The following TLL1 variants were observed in gnomAD, a reference collection of about 807,000 sequenced individuals.
The protein encoded by TLL1 is tolloid-like protein 1.
Under a neutral mutation model 128.2 loss-of-function variants are expected in TLL1, and 49 were observed. The ratio of observed to expected loss-of-function variants is 0.38; its 90% confidence interval spans 0.30 to 0.48. The LOEUF (loss-of-function observed/expected upper bound fraction) is 0.48. Among genes scored for constraint, TLL1 ranks in the 20% least tolerant of loss-of-function variants. The probability of loss-of-function intolerance (pLI) is 0.96; values close to 1 mark genes in which losing one functional copy is unlikely to be tolerated. For synonymous variants in TLL1, 454 were observed against 418.8 expected (o/e 1.08, Z -1.03); for missense variants, 1,123 against 1,242.0 (o/e 0.90, Z 1.44).
intron 1 of TLL1, among the ~76,000 whole-genome samples, chr4:165,933,050 T>G (rs1172087471): frequency 2.6e-5 from 4 of 152,214 alleles, no homozygotes; most frequent in African/African-American, 9.7e-5. Flanking sequence ...ACATCACAAT[T>G]TTATACTGTA....
intron 9 of TLL1, among the ~76,000 whole-genome samples, chr4:166,026,687 C>CAA (rs952505055): frequency 3.9e-4 from 53 of 136,288 alleles, no homozygotes; most frequent in African/African-American, 1.4e-3. Flanking sequence ...AACTCTGTCT[C>CAA]AAAAAAAAAA....
At chr4:166,020,104 A>G (rs1235065637) in intron 8 of TLL1, among the ~76,000 whole-genome samples, 1 of 152,130 alleles carries the variant, frequency 6.6e-6, no homozygotes. Context: ...CTGGCAGTCT[A>G]CTGCTATAAG....
intron 9 of TLL1, among the ~76,000 whole-genome samples, chr4:166,037,005 C>A (rs865859133): frequency 6.6e-6 from 1 of 152,058 alleles, no homozygotes; most frequent in African/African-American, 2.4e-5. Context: ...AAGAGGGAAG[C>A]CAGAACGTGA....
intron 1 of TLL1, among the ~76,000 whole-genome samples, chr4:165,974,981 G>T (rs1579569062): frequency 6.6e-6 from 1 of 152,188 alleles, no homozygotes; most frequent in South Asian, 2.1e-4. Context: ...GGTGTGAGAA[G>T]AGGAATTTAT....
intron 10 of TLL1, 80 bp from the exon 11 acceptor site, chr4:166,041,947 T>C: frequency 1.0e-6 from 1 of 958,374 alleles, no homozygotes; most frequent in Non-Finnish European, 1.7e-6. Context: ...TGTTTACATA[T>C]TATTTGTGAC....
chr4:166,077,740 G>A (rs886836220), intron 17 of TLL1, among the ~76,000 whole-genome samples, 163 bp from the exon 18 acceptor site: 1 of 152,094 alleles, frequency 6.6e-6, no homozygotes. Flanking sequence ...ACTCAGCAAC[G>A]TATTTTCCAG....
At chr4:166,069,522 A>C (rs1198313988) in intron 16 of TLL1, among the ~76,000 whole-genome samples, 1 of 151,732 alleles carries the variant, frequency 6.6e-6, no homozygotes, top group Non-Finnish European at 1.5e-5. Context: ...GTGATACATC[A>C]GGAAAAAGAC....
intron 1 of TLL1, among the ~76,000 whole-genome samples, chr4:165,987,427 C>T (rs989246291): frequency 3.9e-5 from 6 of 152,034 alleles, no homozygotes; most frequent in Admixed American, 6.6e-5. Context: ...TGCGTCTGTA[C>T]GAAGCTGATT....
chr4:166,091,036 T>A, intron 18 of TLL1, 92 bp from the exon 19 acceptor site: 1 of 1,021,800 alleles, frequency 9.8e-7, no homozygotes, highest in Non-Finnish European at 1.5e-6. Flanking sequence ...GCCCTGAACA[T>A]ATTTTATTGA....
At chr4:165,941,530 A>T (rs1579516734) in intron 1 of TLL1, among the ~76,000 whole-genome samples, 1 of 152,134 alleles carries the variant, frequency 6.6e-6, no homozygotes, top group Admixed American at 6.6e-5. Flanking sequence ...GACAAAACTA[A>T]TATAGTTTGT....
intron 5 of TLL1, 141 bp from the exon 6 acceptor site, chr4:166,003,250 T>C: frequency 1.3e-6 from 1 of 784,324 alleles, no homozygotes; most frequent in Non-Finnish European, 2.2e-6. Flanking sequence ...AAACTAGTCA[T>C]ATGTAGTAAT....
At chr4:166,096,987 T>C (rs1467777102) in intron 19 of TLL1, among the ~76,000 whole-genome samples, 1 of 152,018 alleles carries the variant, frequency 6.6e-6, no homozygotes, top group African/African-American at 2.4e-5. Context: ...CATAGGAAAA[T>C]AATAACAATA....
At position 166,096,352 on chromosome 4, in the gene TLL1, G is replaced by A. The variant is rs184290580; in HGVS notation, c.2657-2925G>A. On this transcript the variant is annotated intron_variant, in intron 19 of 20. Transcript: ENST00000061240. The stretch of plus-strand genomic sequence containing the variant: ...AAGCAGAAGCAAAACCGGGGGCGGG[G>A]GGAACTTCTTGTTGTCCCTAAATGC... Among the ~76,000 whole-genome samples the A allele has an allele frequency of 8.8e-4, 134 of 151,834 alleles. 1 individual carries two copies. Among genetic ancestry groups the A allele is most frequent in the Middle Eastern group, 6.8e-3 (2 of 292 alleles).
In TLL1 at chr4:166,027,273, A is replaced by T. The variant is rs1411308273; in HGVS notation, c.1158+1842A>T. On this transcript the variant is annotated intron_variant, in intron 9 of 20. Coordinates refer to ENST00000061240, the MANE Select transcript of TLL1 (RefSeq NM_012464.5). ...CCTGAAAAGGGGGAATGGGTTGAAA[A>T]ACGACCTATGGGTAGTTTGTACTTT... Among the ~76,000 whole-genome samples the T allele has an allele frequency of 2.6e-5, 4 of 152,042 alleles. No homozygotes were observed. In the East Asian group the frequency reaches 7.7e-4, roughly 29 times the overall value.
At chr4:166,100,715 T>C in intron 20 of TLL1, 27 bp from the exon 21 acceptor site, 1 of 1,612,264 alleles carries the variant, frequency 6.2e-7, no homozygotes. Flanking sequence ...GCTTGTTTAC[T>C]TGCTTGTTGT....
At chr4:166,031,607 A>T (rs1181461133) in intron 9 of TLL1, among the ~76,000 whole-genome samples, 2 of 152,020 alleles carry the variant, frequency 1.3e-5, no homozygotes, top group Non-Finnish European at 2.9e-5. Context: ...AGCTCAAGTG[A>T]TCTACCTGCC....
At chr4:165,992,717 G>T in intron 2 of TLL1, 87 bp from the exon 3 acceptor site, 1 of 1,222,642 alleles carries the variant, frequency 8.2e-7, no homozygotes, top group East Asian at 2.3e-5. Context: ...AATGACCAAA[G>T]AGAAATCATT....
chr4:165,969,718 A>T (rs922855265), intron 1 of TLL1, among the ~76,000 whole-genome samples: 18 of 152,286 alleles, frequency 1.2e-4, no homozygotes, highest in African/African-American at 4.3e-4. Context: ...GATCTGTAGC[A>T]TTCTTGATGT....
intron 8 of TLL1, among the ~76,000 whole-genome samples, chr4:166,017,082 C>T (rs143274228): frequency 0.036 from 5,536 of 152,018 alleles, 124 homozygotes; most frequent in Middle Eastern, 0.058. Context: ...CAACCCTTGC[C>T]GCCTCCCACT....
Sources: allele counts gnomAD v4.1 joint callset (sites outside exome capture counted in the v4.1 genomes callset), GRCh38; gene constraint gnomAD v4.1.1; transcripts MANE v1.5; gene names NCBI Gene and HGNC (gene_info 2026-07-23, HGNC 2026-07-21).